ESPN: variants seen among roughly 807,000 people sequenced by gnomAD.
ESPN encodes the protein autosomal recessive deafness type 36 protein.
In ESPN, 68 loss-of-function variants were observed where a neutral mutation model predicts 77.7. That is an observed-to-expected ratio of 0.87 (90% CI 0.72 to 1.07). ESPN has a LOEUF of 1.07. Ranked by LOEUF, ESPN falls within the 50% of genes least tolerant of loss-of-function variation. The pLI is 0.00. For synonymous variants in ESPN, 449 were observed against 567.1 expected (o/e 0.79, Z 2.96); for missense variants, 1,060 against 1,239.0 (o/e 0.86, Z 2.17).
At position 6,451,379 on chromosome 1, in the gene ESPN, G is replaced by T. The variant is rs758352721; in HGVS notation, c.1916-224G>T. 3.1e-5 allele frequency: 19 copies of T among 619,714 alleles called. No individual in the cohort carries two copies. Among genetic ancestry groups the T allele is most frequent in the Non-Finnish European group, 2.8e-5 (10 of 352,578 alleles). 38.4% of individuals were successfully genotyped at this position (619,714 alleles called of 1,614,324 possible). A position where few individuals can be genotyped will look rare whatever the true frequency, so the allele number is the denominator to read the frequency against. The stretch of plus-strand genomic sequence containing the variant: ...CAGGGGCCCTCCATCCCGTGAGTAG[G>T]GTGGGGAAGATGGTGGGGTTGCCAC... On this transcript the variant is annotated intron_variant, in intron 8 of 12. Transcript: ENST00000645284. The surrounding 1 kb of genome is among the most constrained non-coding windows in gnomAD (Gnocchi z 4.3).
rs1032276640 is a variant in ESPN at position 6,460,317 on chromosome 1, CTG to C, written c.*172_*173del. On this transcript the variant is annotated 3_prime_UTR_variant, in exon 13 of 13. Transcript: ENST00000645284. Reference sequence around the variant, plus strand: ...CCCGTATCCCCAGCCCTTGGCAACACTGGAGTGCACACGCCGCCACGGTTGCC... The same window carrying C: ...CCCGTATCCCCAGCCCTTGGCAACACGAGTGCACACGCCGCCACGGTTGCC... 7.5e-6 allele frequency: 6 copies of C among 797,114 alleles called. No individual in the cohort carries two copies. In the East Asian group the frequency reaches 1.4e-4, roughly 18 times the overall value. 49.4% of individuals were successfully genotyped at this position (797,114 alleles called of 1,614,324 possible). A position where few individuals can be genotyped will look rare whatever the true frequency, so the allele number is the denominator to read the frequency against.
intron 1 of ESPN, among the ~76,000 whole-genome samples, chr1:6,425,876 G>A (rs931118195): frequency 6.6e-6 from 1 of 152,264 alleles, no homozygotes; most frequent in Non-Finnish European, 1.5e-5. Context: ...CTGCTGAGAA[G>A]CAGGTAGCCA....
At position 6,448,979 on chromosome 1, in the gene ESPN, G is replaced by T; in HGVS notation, c.1803G>T (p.Pro601=). ...ASRELPPPPP[P]PPPPLPEAAS... ...GGGAGCTGCCACCGCCGCCCCCACC[G>T]CCGCCGCCGCCCCTGCCGGAGGCCG... The change falls in exon 8 of 13, where the codon CCG becomes CCT. Residue 601 remains proline, a synonymous_variant. Transcript: ENST00000645284. 7.1e-7 allele frequency: 1 copy of T among 1,408,262 alleles called. No individual in the cohort carries two copies. Among genetic ancestry groups the T allele is most frequent in the Non-Finnish European group, 9.2e-7 (1 of 1,083,748 alleles). The allele number at this position is 1,408,262 out of a possible 1,614,324, so 87.2% of individuals were successfully genotyped here. A position where few individuals can be genotyped will look rare whatever the true frequency, so the allele number is the denominator to read the frequency against.
At chr1:6,440,600 C>T (rs4908552) in intron 3 of ESPN, 26 bp from the exon 4 acceptor site, 2 of 1,207,188 alleles carry the variant, frequency 1.7e-6, no homozygotes, top group East Asian at 2.8e-5. Flanking sequence ...AGCCCCCGCC[C>T]CCCTCTCCCC....
rs143646374 is a variant in ESPN at position 6,444,576 on chromosome 1, G to A, written c.1086G>A (p.Ser362=). The A allele has an allele frequency of 1.9e-5, 30 of 1,614,084 alleles. No individual in the cohort carries two copies. The highest frequency in any genetic ancestry group is 1.6e-4 in the Middle Eastern group (1 of 6,084). Residue 362 remains serine, a synonymous_variant, in exon 6 of 13, where the codon TCG becomes TCA. Transcript: ENST00000645284. The part of the protein sequence containing the change: ...SGMSSPNTTV[S]VQPLNFDLSS... Reference sequence around the variant, plus strand: ...TGTCCTCACCCAATACCACGGTGTCGGTCCAGCCGCTGAACTTTGACCTCA... The same window carrying A: ...TGTCCTCACCCAATACCACGGTGTCAGTCCAGCCGCTGAACTTTGACCTCA...
rs1183286886 is a variant in ESPN, at chr1:6,425,030, C to A, written c.75C>A (p.Gly25=). 22 of 1,468,062 alleles carry A rather than the reference C, an allele frequency of 1.5e-5. No individual in the cohort carries two copies. The highest frequency in any genetic ancestry group is 1.9e-5 in the Non-Finnish European group (21 of 1,116,818). 90.9% of individuals were successfully genotyped at this position (1,468,062 alleles called of 1,614,324 possible). The part of the protein sequence containing the change: ...LDVLRSLHAA[G]LLGPSLRDPL... ...TGCTGAGGTCGCTGCACGCCGCAGG[C>A]CTCCTGGGGCCCTCGCTGCGCGACC... The change falls in exon 1 of 13, where the codon GGC becomes GGA. Residue 25 remains glycine (G), a synonymous_variant. Transcript: ENST00000645284.
In ESPN at chr1:6,451,872, C is replaced by T. The variant is rs1643950639; in HGVS notation, c.2101C>T (p.Pro701Ser). The change falls in exon 10 of 13, where the codon CCA becomes TCA. Residue 701 changes from proline (P) to serine (S), a missense_variant. Physicochemically the swap from Pro to Ser is moderately conservative, Grantham distance 74 (BLOSUM62 -1). Transcript: ENST00000645284. This position sits in a 1 kb window ranked among gnomAD's most constrained non-coding sequence, Gnocchi z 4.3. The stretch of plus-strand genomic sequence containing the variant: ...GCCTTCTGTGTCACCTGCACTGTCA[C>T]CAGTCCGGAGCCCCACACCGCCAGC... ...PLPSVSPALS[P>S]VRSPTPPAAG... The T allele has an allele frequency of 5.6e-6, 9 of 1,611,644 alleles. No homozygotes were observed. Among genetic ancestry groups the T allele is most frequent in the Non-Finnish European group, 7.6e-6 (9 of 1,179,352 alleles).
In ESPN at chr1:6,460,130, A is replaced by T. The variant is rs1455313296; in HGVS notation, c.2549A>T (p.Asp850Val). 1.2e-6 allele frequency: 2 copies of T among 1,612,488 alleles called. No homozygotes were observed. The highest frequency in any genetic ancestry group is 1.7e-6 in the Non-Finnish European group (2 of 1,179,990). Residue 850 changes from aspartate (D) to valine (V), a missense_variant, in exon 13 of 13, where the codon GAC becomes GTC. Transcript: ENST00000645284. Reference sequence around the variant, plus strand: ...CGACAGGTCATCCTGAAGAAGGGGGACATCGCTAAGTACTAGAGGCCGCAG... The same window carrying T: ...CGACAGGTCATCCTGAAGAAGGGGGTCATCGCTAAGTACTAGAGGCCGCAG... ...WQRQVILKKG[D>V]IAKY is the part of the protein sequence containing the mutation.
intron 7 of ESPN, 92 bp from the exon 8 acceptor site, chr1:6,448,549 G>T: frequency 8.5e-7 from 1 of 1,172,034 alleles, no homozygotes; most frequent in Middle Eastern, 2.8e-4. Flanking sequence ...CGCTGGCCGC[G>T]AGTCCCCAGG....
rs1569745790 is a variant in ESPN, at chr1:6,455,223, C to T, written c.2326-1961C>T. 1.6e-4 allele frequency: 61 copies of T among 389,726 alleles called. No homozygotes were observed. The East Asian group carries it at 2.1e-3, about 14-fold the overall frequency. The allele number at this position is 389,726 out of a possible 1,614,324, so 24.1% of individuals were successfully genotyped here. ...GCCCGAGCAGCTGGCGCGCCGGCCG[C>T]CCCTCTGCACGAAGCTGCGCGGCGT... On this transcript the variant is annotated intron_variant, in intron 10 of 12. Transcript: ENST00000645284.
At chr1:6,438,295 AG>A (rs1201552474) in intron 2 of ESPN, among the ~76,000 whole-genome samples, 1 of 152,210 alleles carries the variant, frequency 6.6e-6, no homozygotes, top group African/African-American at 2.4e-5. Flanking sequence ...CCCAGGCACA[AG>A]GAAGGATCCT....
chr1:6,453,275 G>C (rs1234151221), intron 10 of ESPN, among the ~76,000 whole-genome samples: 1 of 152,226 alleles, frequency 6.6e-6, no homozygotes, highest in Non-Finnish European at 1.5e-5. Context: ...GCTCTAAGGT[G>C]GCTGCGGACA....
intron 5 of ESPN, among the ~76,000 whole-genome samples, chr1:6,442,696 C>T (rs1281494969): frequency 1.1e-4 from 16 of 151,450 alleles, no homozygotes; most frequent in African/African-American, 2.9e-4. Flanking sequence ...GGTGAAACCC[C>T]GTTTCTATTA....
At position 6,427,792 on chromosome 1, in the gene ESPN, G is replaced by A. The variant is rs1643094187; in HGVS notation, c.295-434G>A. Among the ~76,000 whole-genome samples, 2 of 152,190 alleles carry A rather than the reference G, an allele frequency of 1.3e-5. No homozygotes were observed. The highest frequency in any genetic ancestry group is 2.9e-5 in the Non-Finnish European group (2 of 68,030). On this transcript the variant is annotated intron_variant, in intron 1 of 12. Transcript: ENST00000645284. The surrounding 1 kb of genome is among the most constrained non-coding windows in gnomAD (Gnocchi z 4.6). ...GACCCCCAATCCTGATGCTAGCTTGGTACAGCCCCACAGCCCCCCTTCCTG... is the reference window on the plus strand; with the variant it reads ...GACCCCCAATCCTGATGCTAGCTTGATACAGCCCCACAGCCCCCCTTCCTG...
rs2148514512 is a variant in ESPN, at chr1:6,437,422, T to TG, written c.489-2831dup. 6.6e-6 allele frequency: 1 copy of TG among 152,352 alleles called. No homozygotes were observed. Among genetic ancestry groups the TG allele is most frequent in the Non-Finnish European group, 1.5e-5 (1 of 68,058 alleles). The allele number at this position is 152,352 out of a possible 1,614,324, so 9.4% of individuals were successfully genotyped here. ...TGATCCCCAAGACCCCGGCACTCACTGTGCCTTGGTTACGGGGTGAATAAT... is the reference window on the plus strand; with the variant it reads ...TGATCCCCAAGACCCCGGCACTCACTGGTGCCTTGGTTACGGGGTGAATAAT... On this transcript the variant is annotated intron_variant, in intron 2 of 12. Transcript: ENST00000645284. The surrounding 1 kb of genome is among the most constrained non-coding windows in gnomAD (Gnocchi z 4.5).
At chr1:6,458,473 G>A (rs1422750536) in intron 12 of ESPN, among the ~76,000 whole-genome samples, 6 of 150,078 alleles carry the variant, frequency 4.0e-5, no homozygotes, top group African/African-American at 1.5e-4. Flanking sequence ...CCGCCACCAC[G>A]CCCGGCTAAT....
intron 3 of ESPN, 21 bp from the exon 4 acceptor site, chr1:6,440,605 C>CAAG: frequency 8.4e-7 from 1 of 1,185,390 alleles, no homozygotes; most frequent in Non-Finnish European, 1.2e-6. Context: ...CCGCCCCCCT[C>CAAG]TCCCCGCCCG....
intron 10 of ESPN, chr1:6,456,773 G>A (rs1644064635): frequency 6.3e-6 from 2 of 316,552 alleles, no homozygotes; most frequent in Non-Finnish European, 1.2e-5. Context: ...ATGGGGTGAA[G>A]GTCCTTCACA....
chr1:6,441,230 A>C (rs2148520029), intron 5 of ESPN, among the ~76,000 whole-genome samples, 165 bp downstream of exon 5: 1 of 152,238 alleles, frequency 6.6e-6, no homozygotes, highest in Admixed American at 6.5e-5. Context: ...CTGGGGACTG[A>C]GGGAGTAGAG....
Sources: allele counts gnomAD v4.1 joint callset (sites outside exome capture counted in the v4.1 genomes callset), GRCh38; gene constraint gnomAD v4.1.1; non-coding constraint Gnocchi (gnomAD v3.1); transcripts MANE v1.5; gene names NCBI Gene and HGNC (gene_info 2026-07-23, HGNC 2026-07-21).